The following ALG5 variants were observed in gnomAD, a reference collection of about 807,000 sequenced individuals.
The protein encoded by ALG5 is ALG5 dolichyl-phosphate beta-glucosyltransferase.
In ALG5, 26 loss-of-function variants were observed where a neutral mutation model predicts 51.8. The ratio of observed to expected loss-of-function variants is 0.50; its 90% CI spans 0.37 to 0.70. The LOEUF (loss-of-function observed/expected upper bound fraction) is 0.70, where lower values mean the gene tolerates loss of function less well. ALG5 is among the 30% of genes least tolerant of loss of function. ALG5 has a pLI of 0.00. For synonymous variants in ALG5, 141 were observed against 136.1 expected (o/e 1.04, Z -0.25); for missense variants, 311 against 399.3 (o/e 0.78, Z 1.88).
chr13:36,993,812 C>T, intron 3 of ALG5, 140 bp from the exon 4 acceptor site: 1 of 667,418 alleles, frequency 1.5e-6, no homozygotes, highest in Non-Finnish European at 2.6e-6. Flanking sequence ...GCACAAACCG[C>T]ATAAAATAAA....
upstream of ALG5, chr13:36,999,355 G>A (rs956371282): frequency 3.4e-6 from 5 of 1,460,036 alleles, no homozygotes; most frequent in Non-Finnish European, 3.6e-6. Flanking sequence ...GCGGAAGCGC[G>A]CCCGCGCGAC....
chr13:36,998,976 C>A, intron 1 of ALG5: 1 of 355,008 alleles, frequency 2.8e-6, no homozygotes, highest in Non-Finnish European at 5.0e-6. Flanking sequence ...TGATGCCAGG[C>A]CGGGTGGGTG....
At chr13:36,964,736 C>T (rs1393038788) in intron 8 of ALG5, among the ~76,000 whole-genome samples, 1 of 152,026 alleles carries the variant, frequency 6.6e-6, no homozygotes, top group Non-Finnish European at 1.5e-5. Flanking sequence ...ACCAGCCTGG[C>T]CAACATGGTG....
In ALG5 at chr13:36,993,748, T is replaced by TA; in HGVS notation, c.286-77dup. The TA allele has an allele frequency of 5.0e-6, 6 of 1,207,422 alleles. No homozygotes were observed. In the South Asian group the frequency reaches 7.4e-5, roughly 15 times the overall value. The allele number at this position is 1,207,422 out of a possible 1,614,324, so 74.8% of individuals were successfully genotyped here. ...TATTCTAATCAAATCACCAGTAATT[T>TA]AAAAAACAACTGCTTTAGTGTTGAT... On this transcript the variant is annotated intron_variant, in intron 3 of 9. Transcript: ENST00000239891.
chr13:36,976,176 C>T (rs1375682246), intron 6 of ALG5, among the ~76,000 whole-genome samples: 1 of 151,718 alleles, frequency 6.6e-6, no homozygotes, highest in African/African-American at 2.4e-5. Context: ...TGCCTGTAAT[C>T]CTAGCACTTT....
chr13:36,950,119 G>A (rs927136346), intron 9 of ALG5, 62 bp from the exon 10 acceptor site: 17 of 1,008,682 alleles, frequency 1.7e-5, no homozygotes, highest in Admixed American at 6.3e-5. Context: ...AAACGTATCA[G>A]TTTAAAGTCA....
chr13:36,957,045 C>T (rs1449608305), intron 8 of ALG5, among the ~76,000 whole-genome samples: 1 of 151,962 alleles, frequency 6.6e-6, no homozygotes, highest in African/African-American at 2.4e-5. Context: ...CTTTTGCCTG[C>T]AGCTAACCAA....
At chr13:36,966,212 G>T (rs1370272588) in intron 7 of ALG5, among the ~76,000 whole-genome samples, 2 of 152,150 alleles carry the variant, frequency 1.3e-5, no homozygotes, top group Non-Finnish European at 2.9e-5. Flanking sequence ...GAAGGTTATG[G>T]ACTAGAAAGG....
intron 4 of ALG5, among the ~76,000 whole-genome samples, chr13:36,991,853 G>A (rs2059026875): frequency 6.6e-6 from 1 of 152,118 alleles, no homozygotes; most frequent in Non-Finnish European, 1.5e-5. Flanking sequence ...TTGAACTCTT[G>A]CGCTCAAGCA....
chr13:36,995,721 A>G, intron 1 of ALG5, 125 bp from the exon 2 acceptor site: 2 of 916,842 alleles, frequency 2.2e-6, no homozygotes, highest in Non-Finnish European at 3.3e-6. Flanking sequence ...GTTTTAGTTC[A>G]TTAACAATGG....
At position 36,989,584 on chromosome 13, in the gene ALG5, A is replaced by G; in HGVS notation, c.355-8T>C. 6.3e-7 allele frequency: 1 copy of G among 1,581,460 alleles called. No individual in the cohort carries two copies. Among genetic ancestry groups the G allele is most frequent in the Non-Finnish European group, 8.7e-7 (1 of 1,152,148 alleles). On this transcript the variant is annotated splice_polypyrimidine_tract_variant and splice_region_variant and intron_variant, in intron 4 of 9. Transcript: ENST00000239891. The stretch of plus-strand genomic sequence containing the variant: ...GCAATATTTAAAAGCTACCTATGAA[A>G]TTATATAAAAATCAGAATAAAATTA...
intron 6 of ALG5, among the ~76,000 whole-genome samples, chr13:36,979,614 T>G (rs1165832524): frequency 2.6e-5 from 4 of 152,232 alleles, no homozygotes; most frequent in Non-Finnish European, 5.9e-5. Context: ...CACTCCAGAC[T>G]GAGTTGTGCG....
In ALG5 at chr13:36,989,533, C is replaced by T. The variant is rs757781743; in HGVS notation, c.398G>A (p.Arg133His). 9.9e-6 allele frequency: 16 copies of T among 1,612,882 alleles called. No homozygotes were observed. Among genetic ancestry groups the T allele is most frequent in the East Asian group, 2.2e-5 (1 of 44,856 alleles). Residue 133 changes from arginine (R) to histidine (H), a missense_variant, in exon 5 of 10, where the codon CGT becomes CAT. By Grantham distance (29) the Arg-to-His change is conservative (BLOSUM62 0). Coordinates refer to ENST00000239891, the MANE Select transcript of ALG5 (RefSeq NM_013338.5). Reference sequence around the variant, plus strand: ...ACGATTCTTCACCAGGGTTATCACACGTACTTTGTCACTTCCATATTTCTG... The same window carrying T: ...ACGATTCTTCACCAGGGTTATCACATGTACTTTGTCACTTCCATATTTCTG... ...YCQKYGSDKVRVITLVKNRGK... is the reference protein window; with the variant it reads ...YCQKYGSDKVHVITLVKNRGK...
chr13:36,995,394 C>T (rs1218517809), intron 2 of ALG5, 31 bp downstream of exon 2: 1 of 1,581,220 alleles, frequency 6.3e-7, no homozygotes, highest in South Asian at 1.2e-5. Context: ...TCCAAACTAC[C>T]CTTTACCAAA....
chr13:36,989,467 T>A lies in ALG5; in HGVS notation c.447+17A>T. The A allele has an allele frequency of 6.3e-7, 1 of 1,584,106 alleles. No individual in the cohort carries two copies. The highest frequency in any genetic ancestry group is 1.3e-5 in the African/African-American group (1 of 74,374). ...TACCTTCATATTTTAGATAAAAATGTTGAAAATATGTATTACCATTCTAAT... is the reference window on the plus strand; with the variant it reads ...TACCTTCATATTTTAGATAAAAATGATGAAAATATGTATTACCATTCTAAT... On this transcript the variant is annotated intron_variant, in intron 5 of 9. Transcript: ENST00000239891.
At chr13:36,967,040 T>C (rs2058897388) in intron 7 of ALG5, among the ~76,000 whole-genome samples, 1 of 151,828 alleles carries the variant, frequency 6.6e-6, no homozygotes, top group Admixed American at 6.6e-5. Flanking sequence ...CTGCCCAACA[T>C]GGCGAAACCC....
intron 6 of ALG5, among the ~76,000 whole-genome samples, chr13:36,972,991 C>CA (rs375217175): frequency 0.35 from 37,797 of 108,806 alleles, 7,381 homozygotes; most frequent in East Asian, 0.7. Flanking sequence ...GACTCCGTCT[C>CA]AAAAAAAAAA....
intron 8 of ALG5, among the ~76,000 whole-genome samples, chr13:36,961,140 G>A (rs559981704): frequency 6.6e-6 from 1 of 152,196 alleles, no homozygotes; most frequent in Admixed American, 6.5e-5. Context: ...TACAAGCAGA[G>A]TGCGGTGGCT....
intron 6 of ALG5, among the ~76,000 whole-genome samples, chr13:36,980,380 G>A (rs1315265054): frequency 2.0e-5 from 3 of 151,930 alleles, no homozygotes; most frequent in Admixed American, 6.6e-5. Context: ...GCTTACAGGT[G>A]TGCGCTACGA....
Sources: gnomAD v4.1 joint callset for allele counts (sites outside exome capture counted in the v4.1 genomes callset) on GRCh38, gnomAD v4.1.1 for gene constraint, MANE v1.5 for transcripts, NCBI Gene and HGNC (gene_info 2026-07-23, HGNC 2026-07-21) for gene names.